Variants in GBP7 observed in about 807,000 individuals in gnomAD.
GBP7 encodes the protein guanylate-binding protein 7.
A neutral mutation model predicts 61.3 loss-of-function variants in GBP7; 43 were observed. The ratio of observed to expected loss-of-function variants is 0.70; its 90% CI spans 0.55 to 0.91. The LOEUF (loss-of-function observed/expected upper bound fraction) is 0.91. Ranked by LOEUF, GBP7 falls within the 40% of genes least tolerant of loss-of-function variation. The pLI is 0.00. For missense variants in GBP7, 717 were observed against 740.5 expected (o/e 0.97, Z 0.37); for synonymous variants, 267 against 271.0 (o/e 0.99, Z 0.14).
intron 3 of GBP7, among the ~76,000 whole-genome samples, chr1:89,153,987 A>C (rs567856976): frequency 5.9e-4 from 90 of 152,354 alleles, no homozygotes; most frequent in African/African-American, 2.0e-3. Flanking sequence ...AGAGTTATTT[A>C]ATTCAACTGA....
chr1:89,152,967 A>G (rs1682240021), intron 3 of GBP7, among the ~76,000 whole-genome samples, 190 bp from the exon 4 acceptor site: 2 of 152,222 alleles, frequency 1.3e-5, no homozygotes, highest in Admixed American at 6.5e-5. Flanking sequence ...TAAATCAGCT[A>G]TAGAAAAAGC....
intron 10 of GBP7, among the ~76,000 whole-genome samples, chr1:89,132,886 G>A (rs1406714244): frequency 1.3e-5 from 2 of 152,194 alleles, no homozygotes; most frequent in Non-Finnish European, 2.9e-5. Context: ...TTCATATCAA[G>A]CCAAATCTGA....
chr1:89,173,153 A>G (rs1339468394), intron 1 of GBP7, among the ~76,000 whole-genome samples: 1 of 152,016 alleles, frequency 6.6e-6, no homozygotes, highest in Non-Finnish European at 1.5e-5. Context: ...TTCCTGCTTT[A>G]TCCCTAGAAT....
In GBP7 at chr1:89,150,205, C is replaced by G. The variant is rs1229096411; in HGVS notation, c.871+125G>C. On this transcript the variant is annotated intron_variant, in intron 6 of 10. Coordinates refer to ENST00000294671, the MANE Select transcript of GBP7 (RefSeq NM_207398.3). ...ACCCTCACTGAGAAAAAATCCTTCA[C>G]TTATCCCACACCTCATAACACAGAT... 3.4e-6 allele frequency: 3 copies of G among 876,566 alleles called. No homozygotes were observed. In the African/African-American group the frequency reaches 5.0e-5, roughly 15 times the overall value. 54.3% of individuals were successfully genotyped at this position (876,566 alleles called of 1,614,324 possible).
At chr1:89,141,982 T>G (rs1681965491) in intron 8 of GBP7, among the ~76,000 whole-genome samples, 1 of 152,190 alleles carries the variant, frequency 6.6e-6, no homozygotes, top group Non-Finnish European at 1.5e-5. Context: ...CTTTCTTTTT[T>G]CTTTTGCCTG....
intron 9 of GBP7, among the ~76,000 whole-genome samples, chr1:89,141,239 T>A (rs1479396154): frequency 2.6e-5 from 4 of 151,652 alleles, no homozygotes; most frequent in Non-Finnish European, 5.9e-5. Flanking sequence ...AACAGTCTTG[T>A]CTGAGTTCTA....
chr1:89,170,683 G>A (rs1448607733), intron 2 of GBP7, among the ~76,000 whole-genome samples: 1 of 152,180 alleles, frequency 6.6e-6, no homozygotes, highest in East Asian at 1.9e-4. Flanking sequence ...GCAAAATGGA[G>A]TCACTTATGC....
At chr1:89,165,920 A>ATG (rs2100659087) in intron 2 of GBP7, among the ~76,000 whole-genome samples, 1 of 152,246 alleles carries the variant, frequency 6.6e-6, no homozygotes. Flanking sequence ...GTACATATAT[A>ATG]AAAAGACCAA....
At chr1:89,158,705 A>T (rs1298170228) in intron 3 of GBP7, among the ~76,000 whole-genome samples, 1 of 152,222 alleles carries the variant, frequency 6.6e-6, no homozygotes, top group African/African-American at 2.4e-5. Flanking sequence ...TCAATGAAGT[A>T]AAAGAGGACA....
Position 89,147,650 on chromosome 1 carries a change from C to A in GBP7, c.1282G>T (p.Val428Phe). The A allele has an allele frequency of 6.2e-7, 1 of 1,614,152 alleles. No individual in the cohort carries two copies. The highest frequency in any genetic ancestry group is 8.5e-7 in the Non-Finnish European group (1 of 1,179,998). Reference sequence around the variant, plus strand: ...AAGTAGATATTGTGCCCCCCCGGAACAAAGAAAGTTCCTCTTGAAATACTT... The same window carrying A: ...AAGTAGATATTGTGCCCCCCCGGAAAAAAGAAAGTTCCTCTTGAAATACTT... ...TESISRGTFF[V>F]PGGHNIYLEA... Residue 428 changes from valine to phenylalanine, a missense_variant, in exon 8 of 11, where the codon GTT becomes TTT. Around this residue, in one of 3 missense-constraint regions of GBP7, gnomAD observed 312 missense variants for 310.1 expected, o/e 1.01. Coordinates refer to ENST00000294671, the MANE Select transcript of GBP7 (RefSeq NM_207398.3).
chr1:89,164,585 A>G, intron 3 of GBP7, 146 bp downstream of exon 3: 1 of 752,636 alleles, frequency 1.3e-6, no homozygotes, highest in South Asian at 1.7e-5. Flanking sequence ...CCAAGAAAGT[A>G]AGTTCCAGAA....
chr1:89,144,219 A>C (rs1302639479), intron 8 of GBP7, among the ~76,000 whole-genome samples: 1 of 152,128 alleles, frequency 6.6e-6, no homozygotes, highest in Admixed American at 6.5e-5. Flanking sequence ...CATTCTTTTT[A>C]TGGCTGCATA....
At chr1:89,163,861 T>TTTTG (rs374258402) in intron 3 of GBP7, among the ~76,000 whole-genome samples, 14 of 152,022 alleles carry the variant, frequency 9.2e-5, no homozygotes, top group Admixed American at 4.6e-4. Flanking sequence ...TTTTTTTGTT[T>TTTTG]TTTGTTTGTT....
At chr1:89,147,541 C>T in intron 8 of GBP7, 26 bp downstream of exon 8, 2 of 1,565,026 alleles carry the variant, frequency 1.3e-6, no homozygotes, top group Non-Finnish European at 1.8e-6. Flanking sequence ...CTCTGTCATC[C>T]ATCCCCTTCT....
rs370834892 is a variant in GBP7, at chr1:89,142,248, G to A, written c.1366-600C>T. On this transcript the variant is annotated intron_variant, in intron 8 of 10. Coordinates refer to ENST00000294671, the MANE Select transcript of GBP7 (RefSeq NM_207398.3). The stretch of plus-strand genomic sequence containing the variant: ...GTAGTGGTGAATATAATGGAAAATT[G>A]AACAGTTGAGAAACTTTTTTTTCTC... Among the ~76,000 whole-genome samples, 56 of 152,132 alleles carry A rather than the reference G, an allele frequency of 3.7e-4. 6 individuals are homozygous for A. The highest frequency in any genetic ancestry group is 9.2e-4 in the Admixed American group (14 of 15,278).
At chr1:89,159,557 T>C (rs554719149) in intron 3 of GBP7, among the ~76,000 whole-genome samples, 1 of 152,180 alleles carries the variant, frequency 6.6e-6, no homozygotes, top group Non-Finnish European at 1.5e-5. Context: ...GCGAAGGATA[T>C]GAACAGACAC....
chr1:89,136,479 G>A (rs1211759919), intron 9 of GBP7, among the ~76,000 whole-genome samples: 2 of 151,868 alleles, frequency 1.3e-5, no homozygotes, highest in African/African-American at 4.8e-5. Context: ...CCACAATGCT[G>A]TAAAAATAGA....
chr1:89,151,450 A>C (rs1462932848), intron 5 of GBP7, among the ~76,000 whole-genome samples: 1 of 152,238 alleles, frequency 6.6e-6, no homozygotes, highest in South Asian at 2.1e-4. Context: ...TGTTTGAAAG[A>C]GACGGAAAAT....
intron 2 of GBP7, among the ~76,000 whole-genome samples, chr1:89,166,721 A>G (rs968275384): frequency 1.3e-5 from 2 of 152,226 alleles, no homozygotes; most frequent in Non-Finnish European, 2.9e-5. Context: ...TCCATTGAAG[A>G]TGTTGCCAAT....
Sources: gnomAD v4.1 joint callset for allele counts (sites outside exome capture counted in the v4.1 genomes callset) on GRCh38, gnomAD v4.1.1 for gene constraint, gnomAD v4.1.1 regional missense constraint, MANE v1.5 for transcripts, NCBI Gene and HGNC (gene_info 2026-07-23, HGNC 2026-07-21) for gene names.